Variants in PRR27 observed in about 807,000 individuals in gnomAD.
The protein encoded by PRR27 is proline-rich protein 27.
PRR27 carries 12 observed loss-of-function variants against 16.8 expected under a neutral mutation model. The observed-to-expected ratio is 0.71, with a 90% confidence interval of 0.46 to 1.16. The LOEUF is 1.16. Ranked by LOEUF, PRR27 falls within the 50% of genes most tolerant of loss-of-function variation. The pLI is 0.00. For missense variants in PRR27, 277 were observed against 273.3 expected (o/e 1.01, Z -0.10); for synonymous variants, 100 against 98.4 (o/e 1.02, Z -0.10).
At chr4:70,155,368 T>C (rs1204603519) in intron 1 of PRR27, among the ~76,000 whole-genome samples, 1 of 147,462 alleles carries the variant, frequency 6.8e-6, no homozygotes, top group Non-Finnish European at 1.5e-5. Context: ...TGTATGTTTG[T>C]GGTTTTTTTT....
At position 70,163,727 on chromosome 4, in the gene PRR27, A is replaced by G. The variant is rs944589299; in HGVS notation, c.*1066A>G. On this transcript the variant is annotated 3_prime_UTR_variant, in exon 5 of 5. Coordinates refer to ENST00000344526, the MANE Select transcript of PRR27 (RefSeq NM_214711.4). The stretch of plus-strand genomic sequence containing the variant: ...AGATGTTAAACCAAACATTATTCAG[A>G]TAAGATCTCTGAAAAGCCTCTGATA... 2.6e-5 allele frequency: 4 copies of G among 152,288 alleles called. No homozygotes were observed. Among genetic ancestry groups the G allele is most frequent in the African/African-American group, 9.6e-5 (4 of 41,540 alleles). 9.4% of individuals were successfully genotyped at this position (152,288 alleles called of 1,614,324 possible). A position where few individuals can be genotyped will look rare whatever the true frequency, so the allele number is the denominator to read the frequency against.
rs1402723436 is a variant in PRR27 at position 70,164,774 on chromosome 4, C to T, written c.*2113C>T. ...GAACCGAAATAGAAATATCAAGAGG[C>T]TACAAAGTCTTAGCAAATTATAATT... is the stretch of plus-strand genomic sequence containing the variant. On this transcript the variant is annotated 3_prime_UTR_variant, in exon 5 of 5. Coordinates refer to ENST00000344526, the MANE Select transcript of PRR27 (RefSeq NM_214711.4). 1.3e-5 allele frequency: 2 copies of T among 151,944 alleles called. No homozygotes were observed. The highest frequency in any genetic ancestry group is 2.9e-5 in the Non-Finnish European group (2 of 67,958). The allele number at this position is 151,944 out of a possible 1,614,324, so 9.4% of individuals were successfully genotyped here.
At chr4:70,158,955 G>A (rs1189165988) in intron 3 of PRR27, 55 bp downstream of exon 3, 2 of 1,481,726 alleles carry the variant, frequency 1.3e-6, no homozygotes, top group South Asian at 1.3e-5. Flanking sequence ...TTTGTAGAAG[G>A]GGAAAAAAAA....
chr4:70,154,673 G>C (rs376042536), intron 1 of PRR27: 1 of 1,110,518 alleles, frequency 9.0e-7, no homozygotes, highest in African/African-American at 1.6e-5. Flanking sequence ...TAGGAGGCTG[G>C]AGGAGGAAAA....
Position 70,158,424 on chromosome 4 carries a change from A to G in PRR27, c.172A>G (p.Thr58Ala). 6.2e-7 allele frequency: 1 copy of G among 1,613,912 alleles called. No individual in the cohort carries two copies. The change falls in exon 3 of 5, where the codon ACA becomes GCA. Residue 58 changes from threonine (T) to alanine (A), a missense_variant. Physicochemically the swap from Thr to Ala is moderately conservative, Grantham distance 58 (BLOSUM62 0). Coordinates refer to ENST00000344526, the MANE Select transcript of PRR27 (RefSeq NM_214711.4). Reference protein sequence around the residue: ...PPPLYYRPVNTVPSYPGNTYT... With the variant: ...PPPLYYRPVNAVPSYPGNTYT... The stretch of plus-strand genomic sequence containing the variant: ...TCCTCTTTATTATCGCCCAGTGAAT[A>G]CAGTCCCCAGTTACCCTGGGAATAC...
At chr4:70,155,263 A>G (rs923438867) in intron 1 of PRR27, among the ~76,000 whole-genome samples, 17 of 152,034 alleles carry the variant, frequency 1.1e-4, no homozygotes, top group Admixed American at 4.6e-4. Flanking sequence ...TCTGTGGTCA[A>G]TTCACAAACC....
rs1215226722 is a variant in PRR27, at chr4:70,166,113, T to C, written c.*3452T>C. The C allele has an allele frequency of 6.6e-6, 1 of 152,118 alleles. No homozygotes were observed. Among genetic ancestry groups the C allele is most frequent in the Non-Finnish European group, 1.5e-5 (1 of 67,962 alleles). 9.4% of individuals were successfully genotyped at this position (152,118 alleles called of 1,614,324 possible). A position where few individuals can be genotyped will look rare whatever the true frequency, so the allele number is the denominator to read the frequency against. ...TCATTTCACAATTTACTATTTTTACTCAACATTTATATTTCTGAGACTTTT... is the reference window on the plus strand; with the variant it reads ...TCATTTCACAATTTACTATTTTTACCCAACATTTATATTTCTGAGACTTTT... On this transcript the variant is annotated 3_prime_UTR_variant, in exon 5 of 5. Coordinates refer to ENST00000344526, the MANE Select transcript of PRR27 (RefSeq NM_214711.4).
At chr4:70,156,024 C>A (rs1314205435) in intron 1 of PRR27, 30 bp from the exon 2 acceptor site, 3 of 1,372,098 alleles carry the variant, frequency 2.2e-6, no homozygotes, top group African/African-American at 1.5e-5. Context: ...AATACATAAC[C>A]GCATTAAAAT....
At chr4:70,159,731 C>T (rs977215415) in intron 3 of PRR27, among the ~76,000 whole-genome samples, 4 of 152,146 alleles carry the variant, frequency 2.6e-5, no homozygotes, top group Non-Finnish European at 4.4e-5. Context: ...TTCTGGAATG[C>T]TATTAGGTTA....
At chr4:70,154,766 A>G (rs1195402664) in intron 1 of PRR27, 3 of 1,321,566 alleles carry the variant, frequency 2.3e-6, no homozygotes, top group Admixed American at 2.2e-5. Flanking sequence ...TGGGCTTCCT[A>G]TGGCTGTGAA....
intron 1 of PRR27, chr4:70,154,844 T>G: frequency 9.6e-7 from 1 of 1,046,488 alleles, no homozygotes; most frequent in Admixed American, 2.3e-5. Context: ...TAAATGCACA[T>G]CATACCTTTA....
In PRR27 at chr4:70,161,179, T is replaced by C. The variant is rs113827576; in HGVS notation, c.649-407T>C. Among the ~76,000 whole-genome samples, 197 of 107,652 alleles carry C rather than the reference T, an allele frequency of 1.8e-3. 4 individuals carry two copies. Among genetic ancestry groups the C allele is most frequent in the African/African-American group, 4.8e-3 (139 of 28,982 alleles). 70.6% of individuals were successfully genotyped at this position (107,652 alleles called of 152,430 possible). On this transcript the variant is annotated intron_variant, in intron 3 of 4. Coordinates refer to ENST00000344526, the MANE Select transcript of PRR27 (RefSeq NM_214711.4). ...CTGTATATATATATATATATATATA[T>C]ACACACATACATATATATACACGTA...
intron 4 of PRR27, among the ~76,000 whole-genome samples, chr4:70,162,296 CA>C (rs1257735840): frequency 6.6e-6 from 1 of 152,174 alleles, no homozygotes; most frequent in Non-Finnish European, 1.5e-5. Context: ...GAGGTGACAT[CA>C]CTAGCTAAAG....
rs1327119408 is a variant in PRR27, at chr4:70,158,862, G to T, written c.610G>T (p.Ala204Ser). Residue 204 changes from alanine to serine, a missense_variant, in exon 3 of 5, where the codon GCT becomes TCT. Coordinates refer to ENST00000344526, the MANE Select transcript of PRR27 (RefSeq NM_214711.4). Reference protein sequence around the residue: ...SPAEPATAKPAAPEPHPSPSL... With the variant: ...SPAEPATAKPSAPEPHPSPSL... ...AGCTGAGCCTGCTACAGCCAAGCCT[G>T]CTGCCCCAGAACCTCACCCTTCTCC... is the stretch of plus-strand genomic sequence containing the variant. The T allele has an allele frequency of 6.2e-7, 1 of 1,613,982 alleles. No individual in the cohort carries two copies. The highest frequency in any genetic ancestry group is 1.3e-5 in the African/African-American group (1 of 74,996).
At chr4:70,161,697 C>T (rs1728653551) in intron 4 of PRR27, 67 bp downstream of exon 4, 1 of 710,796 alleles carries the variant, frequency 1.4e-6, no homozygotes, top group African/African-American at 1.9e-5. Context: ...TAATCTGAAG[C>T]TACCTTGGAA....
intron 1 of PRR27, chr4:70,154,670 C>A: frequency 1.9e-6 from 2 of 1,064,694 alleles, no homozygotes; most frequent in Non-Finnish European, 2.7e-6. Flanking sequence ...ATGTAGGAGG[C>A]TGGAGGAGGA....
In PRR27 at chr4:70,154,332, AAAACAAT is replaced by A. The variant is rs1560467784; in HGVS notation, c.-40_-34del. 6.8e-7 allele frequency: 1 copy of A among 1,465,530 alleles called. No homozygotes were observed. The highest frequency in any genetic ancestry group is 1.7e-5 in the Admixed American group (1 of 57,680). 90.8% of individuals were successfully genotyped at this position (1,465,530 alleles called of 1,614,324 possible). On this transcript the variant is annotated 5_prime_UTR_variant, in exon 1 of 5. Transcript: ENST00000344526. ...TTTAAAAATACATTGCGTATTTTCT[AAAACAAT>A]AAATTTATAGTGTTAATATTCATAG...
chr4:70,165,341 A>G lies in PRR27; in HGVS notation c.*2680A>G, dbSNP rs1728739608. On this transcript the variant is annotated 3_prime_UTR_variant, in exon 5 of 5. Transcript: ENST00000344526. ...AAAATACTACATACAAGTTTGTATT[A>G]TCATAAATAATCCAAAAGAAAACAT... The G allele has an allele frequency of 6.6e-6, 1 of 152,120 alleles. No homozygotes were observed. Among genetic ancestry groups the G allele is most frequent in the Non-Finnish European group, 1.5e-5 (1 of 67,960 alleles). The allele number at this position is 152,120 out of a possible 1,614,324, so 9.4% of individuals were successfully genotyped here.
At chr4:70,160,146 G>C (rs1018571390) in intron 3 of PRR27, among the ~76,000 whole-genome samples, 1 of 152,024 alleles carries the variant, frequency 6.6e-6, no homozygotes, top group Admixed American at 6.5e-5. Flanking sequence ...CTTCTCCCTG[G>C]TAGTGAGCAC....
Sources: allele counts gnomAD v4.1 joint callset (sites outside exome capture counted in the v4.1 genomes callset), GRCh38; gene constraint gnomAD v4.1.1; transcripts MANE v1.5; gene names NCBI Gene and HGNC (gene_info 2026-07-23, HGNC 2026-07-21).